BACH2: variants seen among roughly 807,000 people sequenced by gnomAD.
BACH2 encodes transcription regulator protein BACH2.
Under a neutral mutation model 61.8 loss-of-function variants are expected in BACH2, and 5 were observed. The ratio of observed to expected loss-of-function variants is 0.08; its 90% confidence interval spans 0.04 to 0.17. The LOEUF is 0.17. Among genes scored for constraint, BACH2 ranks in the 10% least tolerant of loss-of-function variants. The probability of loss-of-function intolerance (pLI) is 1.00; values close to 1 mark genes in which losing one functional copy is unlikely to be tolerated. For synonymous variants in BACH2, 446 were observed against 440.1 expected (o/e 1.01, Z -0.17); for missense variants, 824 against 1,091.1 (o/e 0.76, Z 3.45).
At chr6:90,108,791 C>A (rs1783036919) in intron 4 of BACH2, among the ~76,000 whole-genome samples, 1 of 152,204 alleles carries the variant, frequency 6.6e-6, no homozygotes, top group Admixed American at 6.5e-5. Flanking sequence ...TCCTCTGGAA[C>A]TTTCTTCAAT....
intron 4 of BACH2, among the ~76,000 whole-genome samples, chr6:90,107,159 G>A (rs567352396): frequency 6.6e-6 from 1 of 152,194 alleles, no homozygotes; most frequent in African/African-American, 2.4e-5. Context: ...GGATCACGAG[G>A]TCAAGAGATC....
chr6:90,162,880 G>T (rs529032725), intron 4 of BACH2, among the ~76,000 whole-genome samples: 1 of 152,312 alleles, frequency 6.6e-6, no homozygotes, highest in East Asian at 1.9e-4. Context: ...ACACTCTGGC[G>T]TGTGTCTCCG....
At chr6:90,006,171 A>C (rs1379923988) in intron 6 of BACH2, among the ~76,000 whole-genome samples, 1 of 152,238 alleles carries the variant, frequency 6.6e-6, no homozygotes, top group African/African-American at 2.4e-5. Flanking sequence ...TCAAGGCAGG[A>C]GGATCCCTTG....
chr6:90,268,048 G>T (rs529444824), intron 2 of BACH2, among the ~76,000 whole-genome samples: 75 of 137,950 alleles, frequency 5.4e-4, no homozygotes, highest in African/African-American at 2.0e-3. Context: ...TTGCTCTGTC[G>T]CCCAGGCTAG....
chr6:90,117,004 GAAT>G (rs753381987), intron 4 of BACH2: 2 of 363,348 alleles, frequency 5.5e-6, no homozygotes, highest in Non-Finnish European at 1.1e-5. Context: ...TGGCACAGAT[GAAT>G]AATATTTCCC....
intron 5 of BACH2, among the ~76,000 whole-genome samples, chr6:90,017,423 T>C (rs1409260558): frequency 2.0e-5 from 3 of 152,136 alleles, no homozygotes; most frequent in African/African-American, 7.2e-5. Flanking sequence ...GGTTTCACCA[T>C]GTTGGCCAAG....
At chr6:90,181,833 G>T (rs1213287823) in intron 4 of BACH2, among the ~76,000 whole-genome samples, 4 of 152,078 alleles carry the variant, frequency 2.6e-5, no homozygotes, top group Non-Finnish European at 5.9e-5. Context: ...AGAAAGGAAA[G>T]AAACTTGCCC....
At chr6:90,063,670 C>T (rs959051451) in intron 5 of BACH2, among the ~76,000 whole-genome samples, 2 of 151,806 alleles carry the variant, frequency 1.3e-5, no homozygotes, top group East Asian at 3.8e-4. Context: ...CATTGGAGCC[C>T]TTTTGAACTT....
chr6:90,064,341 G>A (rs1780835196), intron 5 of BACH2, among the ~76,000 whole-genome samples: 1 of 152,200 alleles, frequency 6.6e-6, no homozygotes, highest in South Asian at 2.1e-4. Flanking sequence ...ATGGGAAGGG[G>A]AGATACCCTA....
At chr6:90,090,873 C>A (rs992520239) in intron 4 of BACH2, among the ~76,000 whole-genome samples, 6 of 152,118 alleles carry the variant, frequency 3.9e-5, no homozygotes, top group Admixed American at 3.3e-4. Flanking sequence ...ACATTTTGCT[C>A]TTCCTCAGGA....
chr6:90,157,437 T>C (rs1052673630), intron 4 of BACH2, among the ~76,000 whole-genome samples: 5 of 152,212 alleles, frequency 3.3e-5, no homozygotes, highest in Non-Finnish European at 7.3e-5. Flanking sequence ...GCAAAAAACT[T>C]TGAATTGACC....
rs1246709939 is a variant in BACH2, at chr6:89,950,690, C to A, written c.1416G>T (p.Gln472His). 2 of 1,614,034 alleles carry A rather than the reference C, an allele frequency of 1.2e-6. No individual in the cohort carries two copies. Among genetic ancestry groups the A allele is most frequent in the Non-Finnish European group, 1.7e-6 (2 of 1,180,042 alleles). The change falls in exon 7 of 9, where the codon CAG becomes CAT. Residue 472 changes from glutamine (Q) to histidine (H), a missense_variant. This residue lies in a region of BACH2 where 102 missense variants were observed against 98.1 expected (regional missense o/e 1.04). Transcript: ENST00000257749. This position sits in a 1 kb window ranked among gnomAD's most constrained non-coding sequence, Gnocchi z 5.3. ...VPKGLWVGAG[Q>H]SLPSSQAYSH... Reference sequence around the variant, plus strand: ...AGTAGGCCTGCGAGCTGGGGAGGGACTGGCCGGCTCCCACCCACAGACCCT... The same window carrying A: ...AGTAGGCCTGCGAGCTGGGGAGGGAATGGCCGGCTCCCACCCACAGACCCT...
At chr6:90,076,227 G>A (rs1416961643) in intron 5 of BACH2, among the ~76,000 whole-genome samples, 1 of 152,062 alleles carries the variant, frequency 6.6e-6, no homozygotes, top group Non-Finnish European at 1.5e-5. Flanking sequence ...AGGAAGGGTG[G>A]AAAAGAAATG....
At chr6:90,274,016 C>T (rs528432250) in intron 1 of BACH2, among the ~76,000 whole-genome samples, 1 of 152,306 alleles carries the variant, frequency 6.6e-6, no homozygotes, top group African/African-American at 2.4e-5. Context: ...GGGTAGCTCA[C>T]GTTTCTCCGT....
intron 6 of BACH2, among the ~76,000 whole-genome samples, chr6:89,957,112 C>A (rs1329869034): frequency 6.6e-6 from 1 of 152,188 alleles, no homozygotes; most frequent in Non-Finnish European, 1.5e-5. Flanking sequence ...CACTGACAAC[C>A]CCTCTGGGTT....
At chr6:89,967,240 T>C (rs1775094914) in intron 6 of BACH2, among the ~76,000 whole-genome samples, 1 of 152,216 alleles carries the variant, frequency 6.6e-6, no homozygotes, top group African/African-American at 2.4e-5. Context: ...TCATTATTTA[T>C]AGCTCGTAAC....
intron 3 of BACH2, among the ~76,000 whole-genome samples, chr6:90,209,698 A>G (rs1350814993): frequency 6.6e-6 from 1 of 152,190 alleles, no homozygotes; most frequent in Non-Finnish European, 1.5e-5. Context: ...CCCAGCTCCA[A>G]TCATGCCACA....
At position 89,950,625 on chromosome 6, in the gene BACH2, A is replaced by G. The variant is rs1321345927; in HGVS notation, c.1481T>C (p.Met494Thr). ...GLMADHLPGR[M>T]RPNTSCPVPI... The stretch of plus-strand genomic sequence containing the variant: ...TACCGGGCAGCTGGTGTTGGGCCGC[A>G]TCCTTCCTGGCAAGTGGTCGGCCAT... Residue 494 changes from methionine to threonine, a missense_variant, in exon 7 of 9, where the codon ATG becomes ACG. This residue lies in a region of BACH2 where 102 missense variants were observed against 98.1 expected (regional missense o/e 1.04). Coordinates refer to ENST00000257749, the MANE Select transcript of BACH2 (RefSeq NM_021813.4). The surrounding 1 kb of genome is among the most constrained non-coding windows in gnomAD (Gnocchi z 5.3). The G allele has an allele frequency of 3.1e-6, 5 of 1,614,024 alleles. No homozygotes were observed. In the Middle Eastern group the frequency reaches 4.9e-4, roughly 160 times the overall value.
chr6:90,182,924 C>T (rs940445019), intron 4 of BACH2, among the ~76,000 whole-genome samples: 4 of 152,082 alleles, frequency 2.6e-5, no homozygotes, highest in Admixed American at 2.0e-4. Context: ...ATTCAGGGGG[C>T]GCATGTGCAG....
Sources: allele counts gnomAD v4.1 joint callset (sites outside exome capture counted in the v4.1 genomes callset), GRCh38; gene constraint gnomAD v4.1.1; regional missense constraint gnomAD v4.1.1; non-coding constraint Gnocchi (gnomAD v3.1); transcripts MANE v1.5; gene names NCBI Gene and HGNC (gene_info 2026-07-23, HGNC 2026-07-21).